Variants in NR1H4 observed in about 807,000 individuals in gnomAD.
NR1H4 encodes nuclear receptor subfamily 1 group H member 4, also known as bile acid receptor.
Under a neutral mutation model 58.5 loss-of-function variants are expected in NR1H4, and 23 were observed. The observed-to-expected ratio is 0.39, with a 90% confidence interval of 0.28 to 0.56. The LOEUF (loss-of-function observed/expected upper bound fraction) is 0.56. NR1H4 is among the 20% of genes least tolerant of loss of function. The pLI is 0.58. For synonymous variants in NR1H4, 214 were observed against 198.0 expected (o/e 1.08, Z -0.68); for missense variants, 487 against 576.9 (o/e 0.84, Z 1.60).
intron 1 of NR1H4, among the ~76,000 whole-genome samples, chr12:100,479,642 C>T (rs757886542): frequency 2.6e-5 from 4 of 152,208 alleles, no homozygotes; most frequent in Non-Finnish European, 5.9e-5. Context: ...CCTCATTCTC[C>T]TCACTATACC....
At chr12:100,555,963 T>G (rs538020363) in intron 9 of NR1H4, among the ~76,000 whole-genome samples, 1 of 152,236 alleles carries the variant, frequency 6.6e-6, no homozygotes, top group South Asian at 2.1e-4. Context: ...TTCCACATGA[T>G]GTAATCCCCA....
At chr12:100,548,705 C>T (rs73155614) in intron 9 of NR1H4, among the ~76,000 whole-genome samples, 4,365 of 151,968 alleles carry the variant, frequency 0.029, 102 homozygotes, top group Non-Finnish European at 0.045. Context: ...GGTACACTGG[C>T]GGTACAAAGA....
chr12:100,510,880 T>G lies in NR1H4; in HGVS notation c.182T>G (p.Ile61Ser). The G allele has an allele frequency of 6.2e-7, 1 of 1,614,154 alleles. No homozygotes were observed. Among genetic ancestry groups the G allele is most frequent in the Non-Finnish European group, 8.5e-7 (1 of 1,180,032 alleles). ...CAGTTTCCCCAAGTTCAACCACAGA[T>G]TTCCTCGTCATCCTATTATTCCAAC... ...NVQFPQVQPQ[I>S]SSSSYYSNLG... Residue 61 changes from isoleucine (I) to serine (S), a missense_variant, in exon 4 of 11, where the codon ATT becomes AGT. By Grantham distance (142) the Ile-to-Ser change is moderately radical. Coordinates refer to ENST00000392986, the MANE Select transcript of NR1H4 (RefSeq NM_001206979.2).
intron 9 of NR1H4, among the ~76,000 whole-genome samples, chr12:100,547,733 ATTTT>A (rs1955105010): frequency 6.9e-6 from 1 of 144,694 alleles, no homozygotes. Flanking sequence ...TTATTTATTT[ATTTT>A]GAGACAGAGT....
intron 4 of NR1H4, among the ~76,000 whole-genome samples, chr12:100,516,881 T>G (rs1593081496): frequency 1.3e-5 from 2 of 152,188 alleles, no homozygotes; most frequent in African/African-American, 4.8e-5. Flanking sequence ...ATATCTTATG[T>G]CCATTTTATT....
At chr12:100,562,597 T>TA (rs1244555457) in intron 10 of NR1H4, among the ~76,000 whole-genome samples, 1 of 152,252 alleles carries the variant, frequency 6.6e-6, no homozygotes, top group Non-Finnish European at 1.5e-5. Context: ...ATTGTATGAA[T>TA]ATACAATCAT....
intron 9 of NR1H4, among the ~76,000 whole-genome samples, chr12:100,553,070 C>T (rs1955240680): frequency 6.6e-6 from 1 of 152,078 alleles, no homozygotes; most frequent in South Asian, 2.1e-4. Flanking sequence ...GCGATCTTAG[C>T]TCGCTGCAAC....
chr12:100,546,925 C>T (rs561965139), intron 9 of NR1H4, among the ~76,000 whole-genome samples: 65 of 152,184 alleles, frequency 4.3e-4, no homozygotes, highest in Non-Finnish European at 7.8e-4. Flanking sequence ...TGACTGAGTA[C>T]GACTCTTAAC....
chr12:100,553,058 C>G (rs1009867824), intron 9 of NR1H4, among the ~76,000 whole-genome samples: 2 of 151,822 alleles, frequency 1.3e-5, no homozygotes, highest in African/African-American at 4.8e-5. Context: ...GAGTGCAGTG[C>G]AGCGATCTTA....
chr12:100,545,949 G>A (rs1346750128), intron 9 of NR1H4, among the ~76,000 whole-genome samples: 1 of 152,092 alleles, frequency 6.6e-6, no homozygotes, highest in Non-Finnish European at 1.5e-5. Context: ...AGGCATGATT[G>A]GGCATGAAGA....
At chr12:100,506,165 T>C (rs1717740848) in intron 3 of NR1H4, among the ~76,000 whole-genome samples, 1 of 152,190 alleles carries the variant, frequency 6.6e-6, no homozygotes, top group African/African-American at 2.4e-5. Flanking sequence ...ATCAATTAAC[T>C]ATGATTAAAA....
At chr12:100,507,531 C>A (rs927809917) in intron 3 of NR1H4, among the ~76,000 whole-genome samples, 3 of 152,022 alleles carry the variant, frequency 2.0e-5, no homozygotes, top group African/African-American at 4.8e-5. Flanking sequence ...GGCGCGATCT[C>A]GGCTCACTAC....
intron 3 of NR1H4, among the ~76,000 whole-genome samples, chr12:100,506,231 C>A (rs189127503): frequency 7.2e-5 from 11 of 152,132 alleles, no homozygotes; most frequent in African/African-American, 2.6e-4. Flanking sequence ...CTCAACTTAC[C>A]GAAACTGCTT....
chr12:100,500,471 G>T (rs951172363), intron 3 of NR1H4, among the ~76,000 whole-genome samples: 1 of 152,148 alleles, frequency 6.6e-6, no homozygotes, highest in African/African-American at 2.4e-5. Context: ...GCCACTATTC[G>T]CATGTGGTTA....
intron 9 of NR1H4, among the ~76,000 whole-genome samples, chr12:100,545,651 A>AC (rs1314924713): frequency 2.1e-5 from 3 of 145,822 alleles, no homozygotes; most frequent in African/African-American, 7.9e-5. Context: ...CAAAAAAAAA[A>AC]AAAAAAAAAA....
At chr12:100,542,297 A>G (rs1447280632) in intron 9 of NR1H4, among the ~76,000 whole-genome samples, 2 of 152,140 alleles carry the variant, frequency 1.3e-5, no homozygotes, top group African/African-American at 2.4e-5. Flanking sequence ...CAGTGAGTCA[A>G]GATCGTGCCA....
intron 9 of NR1H4, among the ~76,000 whole-genome samples, chr12:100,554,037 G>A (rs1475153368): frequency 6.6e-6 from 1 of 152,224 alleles, no homozygotes; most frequent in Non-Finnish European, 1.5e-5. Flanking sequence ...TATGGCCATG[G>A]GGCAGGGAGG....
chr12:100,521,387 C>T (rs2136198242), intron 4 of NR1H4, among the ~76,000 whole-genome samples: 1 of 152,322 alleles, frequency 6.6e-6, no homozygotes, highest in African/African-American at 2.4e-5. Flanking sequence ...CTTTTGCCCT[C>T]AGTTATCAGT....
chr12:100,534,992 G>A lies in NR1H4; in HGVS notation c.701G>A (p.Arg234Gln), dbSNP rs774253168. Residue 234 changes from arginine (R) to glutamine (Q), a missense_variant, in exon 6 of 11, where the codon CGA (arginine) becomes CAA (glutamine). Coordinates refer to ENST00000392986, the MANE Select transcript of NR1H4 (RefSeq NM_001206979.2). ...GAAGACAGTGAAGGTCGTGACTTGC[G>A]ACAAGTGACCTCGACAACAAAGTCA... ...VNEDSEGRDL[R>Q]QVTSTTKSCR... 8 of 1,614,218 alleles carry A rather than the reference G, an allele frequency of 5.0e-6. No homozygotes were observed. The highest frequency in any genetic ancestry group is 3.3e-5 in the South Asian group (3 of 91,078).
Sources: gnomAD v4.1 joint callset for allele counts (sites outside exome capture counted in the v4.1 genomes callset) on GRCh38, gnomAD v4.1.1 for gene constraint, MANE v1.5 for transcripts, NCBI Gene and HGNC (gene_info 2026-07-23, HGNC 2026-07-21) for gene names.